RFTN2: variants seen among roughly 807,000 people sequenced by gnomAD.
The protein encoded by RFTN2 is raftlin-2.
Under a neutral mutation model 52.7 loss-of-function variants are expected in RFTN2, and 34 were observed. The observed-to-expected ratio is 0.64, with a 90% CI of 0.49 to 0.86. RFTN2 has a LOEUF of 0.86. Ranked by LOEUF, RFTN2 falls within the 40% of genes least tolerant of loss-of-function variation. The pLI, the probability that RFTN2 is intolerant of heterozygous loss-of-function variation, is 0.00. For missense variants in RFTN2, 536 were observed against 600.1 expected, an observed-to-expected ratio of 0.89 and a Z score of 1.12; for synonymous variants, 203 against 217.7, an observed-to-expected ratio of 0.93 and a Z score of 0.59.
intron 7 of RFTN2, among the ~76,000 whole-genome samples, chr2:197,602,375 A>G (rs1178698035): frequency 6.6e-6 from 1 of 152,038 alleles, no homozygotes; most frequent in Non-Finnish European, 1.5e-5. Flanking sequence ...CCAGCTGATA[A>G]TTAAATTAAA....
chr2:197,574,399 C>T (rs960782497), intron 8 of RFTN2, among the ~76,000 whole-genome samples: 4 of 152,186 alleles, frequency 2.6e-5, no homozygotes, highest in African/African-American at 7.2e-5. Flanking sequence ...GTAACCCCAT[C>T]ATTTTGGCCA....
intron 1 of RFTN2, among the ~76,000 whole-genome samples, chr2:197,654,157 G>C (rs545369981): frequency 4.7e-4 from 71 of 152,296 alleles, no homozygotes; most frequent in African/African-American, 1.6e-3. Context: ...GGAGGCTGAG[G>C]TGGGCGGATC....
At chr2:197,581,791 A>G (rs1192926671) in intron 8 of RFTN2, among the ~76,000 whole-genome samples, 1 of 151,330 alleles carries the variant, frequency 6.6e-6, no homozygotes, top group African/African-American at 2.4e-5. Flanking sequence ...CAAAACAACA[A>G]CTCCTTTCCT....
intron 8 of RFTN2, among the ~76,000 whole-genome samples, chr2:197,574,826 C>G (rs1423287029): frequency 6.6e-6 from 1 of 152,144 alleles, no homozygotes; most frequent in Non-Finnish European, 1.5e-5. Context: ...CAAGATCACA[C>G]CAATGCACTC....
chr2:197,581,856 C>A (rs1189131669), intron 8 of RFTN2, among the ~76,000 whole-genome samples: 2 of 152,178 alleles, frequency 1.3e-5, no homozygotes, highest in Non-Finnish European at 2.9e-5. Flanking sequence ...GCCATCCTAA[C>A]AAAACCATTA....
chr2:197,641,256 A>G (rs2088669072), intron 3 of RFTN2, among the ~76,000 whole-genome samples: 3 of 152,170 alleles, frequency 2.0e-5, no homozygotes, highest in Admixed American at 2.0e-4. Flanking sequence ...GAGGCAGGAG[A>G]ATTCTGAGAG....
intron 7 of RFTN2, among the ~76,000 whole-genome samples, chr2:197,604,781 G>A (rs1412009731): frequency 1.5e-4 from 22 of 150,446 alleles, no homozygotes; most frequent in Admixed American, 1.5e-3. Context: ...TTTATTTTGA[G>A]ACAGAGCCTC....
chr2:197,655,541 T>TG (rs1354969906), intron 1 of RFTN2, among the ~76,000 whole-genome samples: 2 of 152,164 alleles, frequency 1.3e-5, no homozygotes, highest in Non-Finnish European at 2.9e-5. Context: ...GTAAAGATCA[T>TG]GGGGCCAGGC....
chr2:197,612,661 G>A lies in RFTN2; in HGVS notation c.1154+3215C>T, dbSNP rs114511788. On this transcript the variant is annotated intron_variant, in intron 7 of 8. Coordinates refer to ENST00000295049, the MANE Select transcript of RFTN2 (RefSeq NM_144629.3). ...TTTCAGGACCAACAACAATAACTCT[G>A]GAATAATGTGGTGATATAAGATTAC... is the stretch of plus-strand genomic sequence containing the variant. 9.4e-3 allele frequency among the ~76,000 whole-genome samples: 1,424 copies of A among 152,274 alleles called. 33 individuals are homozygous for A. The highest frequency in any genetic ancestry group is 0.032 in the African/African-American group (1,311 of 41,542).
At chr2:197,580,829 A>G (rs2087493678) in intron 8 of RFTN2, among the ~76,000 whole-genome samples, 1 of 152,088 alleles carries the variant, frequency 6.6e-6, no homozygotes, top group Non-Finnish European at 1.5e-5. Flanking sequence ...ACGTTCTTTT[A>G]AGCACTCTTT....
chr2:197,639,321 A>C (rs1461224618), intron 3 of RFTN2, among the ~76,000 whole-genome samples: 4 of 149,294 alleles, frequency 2.7e-5, no homozygotes, highest in South Asian at 4.3e-4. Context: ...CCTGGATAAT[A>C]TCCTGCAGAG....
intron 3 of RFTN2, among the ~76,000 whole-genome samples, chr2:197,642,415 A>G (rs1468712455): frequency 1.3e-5 from 2 of 152,244 alleles, no homozygotes; most frequent in South Asian, 2.1e-4. Flanking sequence ...TTTTGTTTTA[A>G]TCAATACATA....
At chr2:197,575,493 C>T (rs2087396399) in intron 8 of RFTN2, among the ~76,000 whole-genome samples, 1 of 152,168 alleles carries the variant, frequency 6.6e-6, no homozygotes, top group Admixed American at 6.6e-5. Context: ...CATTCAGACT[C>T]TCTGATCAAC....
intron 2 of RFTN2, 62 bp from the exon 3 acceptor site, chr2:197,644,334 C>T (rs16866940): frequency 0.18 from 160,906 of 892,228 alleles, 15,488 homozygotes; most frequent in East Asian, 0.24. Flanking sequence ...CTAATATGCT[C>T]ATGTGAAAAT....
At chr2:197,572,365 CCT>C in intron 8 of RFTN2, 85 bp from the exon 9 acceptor site, 1 of 1,345,572 alleles carries the variant, frequency 7.4e-7, no homozygotes, top group South Asian at 1.3e-5. Flanking sequence ...TGCCTTTCTG[CCT>C]CCAGGAATGT....
intron 3 of RFTN2, among the ~76,000 whole-genome samples, chr2:197,641,017 T>G (rs2088665040): frequency 6.6e-6 from 1 of 152,190 alleles, no homozygotes; most frequent in Admixed American, 6.5e-5. Context: ...ATTAGTTAAA[T>G]GAAGAAATAG....
chr2:197,603,405 T>C (rs773956664), intron 7 of RFTN2, among the ~76,000 whole-genome samples: 3 of 152,208 alleles, frequency 2.0e-5, no homozygotes, highest in Admixed American at 6.5e-5. Flanking sequence ...GTGAAGATAA[T>C]TGCAGCATGC....
chr2:197,625,795 T>C (rs1012818620), intron 5 of RFTN2, among the ~76,000 whole-genome samples: 12 of 149,582 alleles, frequency 8.0e-5, no homozygotes, highest in Non-Finnish European at 1.5e-4. Context: ...TTCTTCTTTT[T>C]TTGAGATGGA....
chr2:197,636,053 T>C (rs1338862920), intron 3 of RFTN2, among the ~76,000 whole-genome samples: 3 of 149,434 alleles, frequency 2.0e-5, no homozygotes, highest in East Asian at 3.9e-4. Context: ...GTTGTAGATA[T>C]GCGGCGTTAT....
Sources: allele counts gnomAD v4.1 joint callset (sites outside exome capture counted in the v4.1 genomes callset), GRCh38; gene constraint gnomAD v4.1.1; transcripts MANE v1.5; gene names NCBI Gene and HGNC (gene_info 2026-07-23, HGNC 2026-07-21).